PCDH15: variants seen among roughly 807,000 people sequenced by gnomAD.
The protein encoded by PCDH15 is protocadherin-15.
Under a neutral mutation model 178.5 loss-of-function variants are expected in PCDH15, and 129 were observed. That is an observed-to-expected ratio of 0.72 (90% confidence interval 0.63 to 0.84). PCDH15 has a LOEUF of 0.84. Among genes scored for constraint, PCDH15 ranks in the 40% least tolerant of loss-of-function variants. The probability of loss-of-function intolerance (pLI) is 0.00; values close to 1 mark genes in which losing one functional copy is unlikely to be tolerated. For missense variants in PCDH15, 2,230 were observed against 2,099.9 expected (o/e 1.06, Z -1.21); for synonymous variants, 800 against 732.0 (o/e 1.09, Z -1.50).
At chr10:54,886,688 G>A (rs917043627) in intron 3 of PCDH15, among the ~76,000 whole-genome samples, 5 of 152,232 alleles carry the variant, frequency 3.3e-5, no homozygotes, top group Non-Finnish European at 5.9e-5. Flanking sequence ...CTTGAACCCC[G>A]AAGGAGGAGG....
chr10:55,483,274 ATTT>A (rs949221481), intron 2 of PCDH15, among the ~76,000 whole-genome samples: 1 of 109,892 alleles, frequency 9.1e-6, no homozygotes, highest in African/African-American at 3.2e-5. Context: ...ACTTAAATAA[ATTT>A]TTACAAAAAA....
chr10:55,495,861 A>G (rs568420036), intron 2 of PCDH15, among the ~76,000 whole-genome samples: 7 of 152,034 alleles, frequency 4.6e-5, no homozygotes, highest in Non-Finnish European at 4.4e-5. Flanking sequence ...ATGGATAAAT[A>G]AAGTGTTGAC....
intron 3 of PCDH15, among the ~76,000 whole-genome samples, chr10:54,499,944 G>A (rs2080500791): frequency 1.3e-5 from 2 of 152,086 alleles, no homozygotes; most frequent in Admixed American, 1.3e-4. Context: ...CCATTACTGG[G>A]TATACACACA....
chr10:55,293,487 A>C (rs955276707), intron 1 of PCDH15, among the ~76,000 whole-genome samples: 3 of 152,162 alleles, frequency 2.0e-5, no homozygotes, highest in African/African-American at 7.2e-5. Context: ...TTTCTATCGC[A>C]TTGTTAGGCT....
At chr10:53,975,131 G>A (rs2090080772) in intron 21 of PCDH15, among the ~76,000 whole-genome samples, 1 of 152,048 alleles carries the variant, frequency 6.6e-6, no homozygotes, top group African/African-American at 2.4e-5. Context: ...TTTTATGTTT[G>A]CATAGTATTC....
chr10:54,968,049 G>A (rs541220473), intron 2 of PCDH15, among the ~76,000 whole-genome samples: 5 of 152,260 alleles, frequency 3.3e-5, no homozygotes, highest in African/African-American at 1.2e-4. Context: ...ATTTTGGGGA[G>A]TCACAACACA....
rs1236773880 is a variant in PCDH15, at chr10:54,053,049, T to A, written c.2220+13708A>T. On this transcript the variant is annotated intron_variant, in intron 18 of 37. Transcript: ENST00000644397. ...TGTGGAACTGTGAGTTAATTAAACCTCTTTCCTTTATAAATTCCCCAGTCT... is the reference window on the plus strand; with the variant it reads ...TGTGGAACTGTGAGTTAATTAAACCACTTTCCTTTATAAATTCCCCAGTCT... Among the ~76,000 whole-genome samples, 5 of 152,198 alleles carry A rather than the reference T, an allele frequency of 3.3e-5. No homozygotes were observed. The East Asian group carries it at 9.6e-4, about 29-fold the overall frequency.
intron 26 of PCDH15, among the ~76,000 whole-genome samples, chr10:53,885,624 C>G (rs913995737): frequency 1.4e-4 from 22 of 152,032 alleles, no homozygotes; most frequent in African/African-American, 4.8e-4. Flanking sequence ...AAATTCTATG[C>G]AAAAATACTT....
At chr10:54,717,163 G>A (rs2095490910) in intron 1 of PCDH15, among the ~76,000 whole-genome samples, 1 of 132,116 alleles carries the variant, frequency 7.6e-6, no homozygotes, top group African/African-American at 3.0e-5. Context: ...AACCCTAGAA[G>A]AAAACCTAGG....
intron 2 of PCDH15, among the ~76,000 whole-genome samples, chr10:55,123,390 T>G (rs1843116750): frequency 6.6e-6 from 1 of 152,122 alleles, no homozygotes; most frequent in Admixed American, 6.6e-5. Context: ...ATTTTTTTAA[T>G]GATACAGTGA....
At chr10:54,526,287 G>A (rs2083355439) in intron 3 of PCDH15, among the ~76,000 whole-genome samples, 1 of 152,092 alleles carries the variant, frequency 6.6e-6, no homozygotes, top group African/African-American at 2.4e-5. Context: ...ATTTGCTTAG[G>A]AAAACTAAAT....
intron 1 of PCDH15, among the ~76,000 whole-genome samples, chr10:55,218,114 A>G (rs925277685): frequency 6.6e-6 from 1 of 151,974 alleles, no homozygotes; most frequent in Non-Finnish European, 1.5e-5. Context: ...TAGTCCTCAC[A>G]ATAACCTTTT....
rs188428752 is a variant in PCDH15 at position 54,782,032 on chromosome 10, A to C, written c.-29+18893T>G. ...TCTCAGAGATAAGGGGCTTTAAAAA[A>C]AGCAAAATACATTCTTTAATAAGCA... On this transcript the variant is annotated intron_variant, in intron 1 of 37. Coordinates refer to ENST00000644397, the MANE Select transcript of PCDH15 (RefSeq NM_001384140.1). 2.6e-5 allele frequency among the ~76,000 whole-genome samples: 4 copies of C among 152,322 alleles called. No individual in the cohort carries two copies. The East Asian group carries it at 7.7e-4, about 29-fold the overall frequency.
At chr10:54,573,995 A>G (rs909996132) in intron 2 of PCDH15, among the ~76,000 whole-genome samples, 1 of 152,134 alleles carries the variant, frequency 6.6e-6, no homozygotes. Context: ...CTCTGATGGT[A>G]GTTTCTTTTG....
chr10:54,242,152 A>G (rs1418398868), intron 8 of PCDH15, among the ~76,000 whole-genome samples: 4 of 89,954 alleles, frequency 4.4e-5, no homozygotes, highest in African/African-American at 2.0e-4. Context: ...ATATATATAT[A>G]TATATATATA....
At chr10:54,625,249 G>A (rs909665470) in intron 2 of PCDH15, among the ~76,000 whole-genome samples, 23 of 152,154 alleles carry the variant, frequency 1.5e-4, no homozygotes, top group Non-Finnish European at 2.9e-4. Context: ...ATTTCAAAAG[G>A]AGGTCTCCCA....
At chr10:54,367,804 T>C (rs1056134394) in intron 5 of PCDH15, among the ~76,000 whole-genome samples, 9 of 151,418 alleles carry the variant, frequency 5.9e-5, no homozygotes, top group Admixed American at 4.0e-4. Context: ...CTAACATATA[T>C]ATATATGTGT....
At chr10:54,670,005 GA>G (rs1382737383) in intron 1 of PCDH15, among the ~76,000 whole-genome samples, 1 of 152,044 alleles carries the variant, frequency 6.6e-6, no homozygotes, top group East Asian at 1.9e-4. Context: ...AGTGGGTTGA[GA>G]TTGCACCACT....
At chr10:55,409,707 A>G (rs186380336) in intron 2 of PCDH15, among the ~76,000 whole-genome samples, 65 of 152,310 alleles carry the variant, frequency 4.3e-4, no homozygotes, top group African/African-American at 1.6e-3. Context: ...TAGCAGTTAC[A>G]GAAAGTAAAA....
Sources: gnomAD v4.1 joint callset for allele counts (sites outside exome capture counted in the v4.1 genomes callset) on GRCh38, gnomAD v4.1.1 for gene constraint, MANE v1.5 for transcripts, NCBI Gene and HGNC (gene_info 2026-07-23, HGNC 2026-07-21) for gene names.